CPLX1: variants seen among roughly 807,000 people sequenced by gnomAD.
CPLX1 encodes complexin-1.
CPLX1 carries 6 observed loss-of-function variants against 15.6 expected under a neutral mutation model. The ratio of observed to expected loss-of-function variants is 0.39; its 90% CI spans 0.21 to 0.76. CPLX1 has a LOEUF of 0.76. CPLX1 is among the 30% of genes least tolerant of loss of function. The pLI is 0.43. For synonymous variants in CPLX1, 91 were observed against 75.2 expected (o/e 1.21, Z -1.08); for missense variants, 242 against 188.6 (o/e 1.28, Z -1.66).
At chr4:801,183 G>A (rs1487543374) in intron 2 of CPLX1, among the ~76,000 whole-genome samples, 3 of 150,016 alleles carry the variant, frequency 2.0e-5, no homozygotes, top group Middle Eastern at 3.6e-3. Context: ...TTAGGCAGGC[G>A]TGGTGGCACG....
intron 3 of CPLX1, chr4:787,882 GT>G: frequency 7.1e-6 from 7 of 985,442 alleles, no homozygotes; most frequent in Non-Finnish European, 8.4e-6. Context: ...AACCAGTGGG[GT>G]TGGGCTGGCC....
chr4:791,915 C>A (rs1486423744), intron 3 of CPLX1, among the ~76,000 whole-genome samples: 1 of 152,210 alleles, frequency 6.6e-6, no homozygotes, highest in East Asian at 1.9e-4. Context: ...GAGCGGCTGT[C>A]GGGACCCAGG....
chr4:790,203 G>T (rs1419615168), intron 3 of CPLX1, among the ~76,000 whole-genome samples: 5 of 152,348 alleles, frequency 3.3e-5, no homozygotes, highest in Non-Finnish European at 7.3e-5. Context: ...CCAGAGCAGA[G>T]AGGCTGGTGC....
At chr4:790,110 C>T (rs1158956963) in intron 3 of CPLX1, among the ~76,000 whole-genome samples, 2 of 152,202 alleles carry the variant, frequency 1.3e-5, no homozygotes, top group East Asian at 3.9e-4. Context: ...GCGGGGTTCC[C>T]CCACCCCAAA....
At chr4:792,294 ACT>A in intron 3 of CPLX1, 137 bp downstream of exon 3, 1 of 372,788 alleles carries the variant, frequency 2.7e-6, no homozygotes, top group Non-Finnish European at 4.5e-6. Flanking sequence ...CCCCTCCGCC[ACT>A]CTGAAGCCCC....
rs916093556 is a variant in CPLX1 at position 814,054 on chromosome 4, C to T, written c.31+10438G>A. Among the ~76,000 whole-genome samples the T allele has an allele frequency of 6.6e-5, 10 of 152,226 alleles. 1 individual carries two copies. Among genetic ancestry groups the T allele is most frequent in the Admixed American group, 1.3e-4 (2 of 15,284 alleles). ...GCCACACCTGGGCGACCCAAGCCGG[C>T]GGCCAGACATGTGAACTCAGAGGCC... On this transcript the variant is annotated intron_variant, in intron 2 of 3. Transcript: ENST00000304062.
intron 3 of CPLX1, among the ~76,000 whole-genome samples, chr4:789,406 G>T (rs11734005): frequency 0.22 from 34,001 of 152,258 alleles, 4,507 homozygotes; most frequent in Middle Eastern, 0.34. Flanking sequence ...AAAAAGGGCA[G>T]TGGGTGCTAA....
intron 3 of CPLX1, chr4:788,142 C>A: frequency 1.0e-6 from 1 of 985,370 alleles, no homozygotes. Context: ...CCCTCCCCTG[C>A]CATCTCCTGC....
intron 3 of CPLX1, among the ~76,000 whole-genome samples, chr4:791,309 C>T (rs1436817007): frequency 2.6e-5 from 4 of 151,846 alleles, no homozygotes; most frequent in East Asian, 3.9e-4. Flanking sequence ...GCCCCCACTC[C>T]CCATCAGCGG....
chr4:787,175 G>A (rs1341549240), intron 3 of CPLX1: 2 of 985,296 alleles, frequency 2.0e-6, no homozygotes, highest in Non-Finnish European at 2.4e-6. Context: ...CTGCCTGGAT[G>A]CGGCCGCGGC....
At chr4:811,021 G>T (rs1313365886) in intron 2 of CPLX1, among the ~76,000 whole-genome samples, 1 of 151,286 alleles carries the variant, frequency 6.6e-6, no homozygotes, top group Non-Finnish European at 1.5e-5. Flanking sequence ...TTTATAAGAG[G>T]TGGGACCTTG....
intron 3 of CPLX1, among the ~76,000 whole-genome samples, chr4:791,099 C>G (rs1746158867): frequency 8.0e-6 from 1 of 125,502 alleles, no homozygotes; most frequent in Admixed American, 7.8e-5. Context: ...CCGAGCACAT[C>G]CCAGTGGACT....
rs541730578 is a variant in CPLX1 at position 806,717 on chromosome 4, GA to G, written c.32-14110del. On this transcript the variant is annotated intron_variant, in intron 2 of 3. Transcript: ENST00000304062. ...ACATTTATGCAGCCAACAAACCTGT[GA>G]AAAAAAGCTCAACATCACTGATCAC... is the stretch of plus-strand genomic sequence containing the variant. 7.9e-5 allele frequency among the ~76,000 whole-genome samples: 12 copies of G among 152,096 alleles called. No individual in the cohort carries two copies. The East Asian group carries it at 2.3e-3, about 29-fold the overall frequency.
chr4:786,385 G>A lies in CPLX1; in HGVS notation c.*116C>T, dbSNP rs1745988830. 8.3e-7 allele frequency: 1 copy of A among 1,198,854 alleles called. No individual in the cohort carries two copies. Among genetic ancestry groups the A allele is most frequent in the Non-Finnish European group, 1.1e-6 (1 of 898,950 alleles). 74.3% of individuals were successfully genotyped at this position (1,198,854 alleles called of 1,614,324 possible). On this transcript the variant is annotated 3_prime_UTR_variant, in exon 4 of 4. Transcript: ENST00000304062. The stretch of plus-strand genomic sequence containing the variant: ...CGGCGGGCGCGGGCAGGGCGGGCCT[G>A]GGGCTATGGCTTATATCGGCGTGGG...
At chr4:788,956 G>A (rs1314413801) in intron 3 of CPLX1, among the ~76,000 whole-genome samples, 2 of 152,234 alleles carry the variant, frequency 1.3e-5, no homozygotes, top group South Asian at 2.1e-4. Context: ...CTTGGGGCTT[G>A]TGGGACCCTG....
chr4:792,630 C>G, intron 2 of CPLX1, 22 bp from the exon 3 acceptor site: 1 of 1,601,124 alleles, frequency 6.2e-7, no homozygotes. Context: ...GTTGGTGATT[C>G]AGACCGCCCC....
intron 3 of CPLX1, among the ~76,000 whole-genome samples, chr4:790,784 C>A (rs1398280958): frequency 1.3e-5 from 2 of 152,132 alleles, no homozygotes; most frequent in African/African-American, 4.8e-5. Flanking sequence ...CCACTGCCAC[C>A]TCCACTTCTA....
chr4:800,386 G>A (rs1163228026), intron 2 of CPLX1, among the ~76,000 whole-genome samples: 2 of 152,124 alleles, frequency 1.3e-5, no homozygotes, highest in African/African-American at 4.8e-5. Context: ...TGTAATCCCA[G>A]CACTTTGGGA....
At chr4:798,082 C>T (rs1352622028) in intron 2 of CPLX1, among the ~76,000 whole-genome samples, 3 of 152,024 alleles carry the variant, frequency 2.0e-5, no homozygotes, top group Non-Finnish European at 2.9e-5. Context: ...CAAGACAAGC[C>T]TGATGGACAT....
Sources: allele counts gnomAD v4.1 joint callset (sites outside exome capture counted in the v4.1 genomes callset), GRCh38; gene constraint gnomAD v4.1.1; transcripts MANE v1.5; gene names NCBI Gene and HGNC (gene_info 2026-07-23, HGNC 2026-07-21).